The following RAB7A variants were observed in gnomAD, a reference collection of about 807,000 sequenced individuals.
RAB7A encodes ras-related protein Rab-7a.
RAB7A carries 2 observed loss-of-function variants against 24.5 expected under a neutral mutation model. That is an observed-to-expected ratio of 0.08 (90% CI 0.03 to 0.26). The LOEUF (loss-of-function observed/expected upper bound fraction) is 0.26, where lower values mean the gene tolerates loss of function less well. Among genes scored for constraint, RAB7A ranks in the 10% least tolerant of loss-of-function variants. The probability of loss-of-function intolerance (pLI) is 1.00; values close to 1 mark genes in which losing one functional copy is unlikely to be tolerated. For missense variants in RAB7A, 118 were observed against 255.7 expected (o/e 0.46, Z 3.67); for synonymous variants, 100 against 95.9 (o/e 1.04, Z -0.25).
At chr3:128,775,068 C>T (rs1407854663) in intron 1 of RAB7A, among the ~76,000 whole-genome samples, 1 of 152,226 alleles carries the variant, frequency 6.6e-6, no homozygotes, top group Non-Finnish European at 1.5e-5. Flanking sequence ...AGGCGTGAGC[C>T]ACTGCGCCCG....
At chr3:128,753,321 T>A (rs777782094) in intron 1 of RAB7A, among the ~76,000 whole-genome samples, 28 of 150,758 alleles carry the variant, frequency 1.9e-4, no homozygotes, top group Non-Finnish European at 3.2e-4. Flanking sequence ...GTAGATTTTA[T>A]GAAAATAGAG....
chr3:128,763,221 T>A (rs1275687331), intron 1 of RAB7A, among the ~76,000 whole-genome samples: 3,545 of 131,928 alleles, frequency 0.027, 126 homozygotes, highest in South Asian at 0.11. Context: ...TTTTTTTTTT[T>A]TTTTTTTTTT....
In RAB7A at chr3:128,791,697, G is replaced by T. The variant is rs111635216; in HGVS notation, c.-8-3663G>T. Among the ~76,000 whole-genome samples the T allele has an allele frequency of 3.2e-3, 486 of 152,246 alleles. 1 individual carries two copies. The highest frequency in any genetic ancestry group is 4.7e-3 in the Non-Finnish European group (319 of 68,016). ...TGGGCCACCCAGGCTTTTGTTTCAT[G>T]GAACACAGTGACTCTGCTGGGCATG... On this transcript the variant is annotated intron_variant, in intron 1 of 5. Transcript: ENST00000265062.
intron 1 of RAB7A, among the ~76,000 whole-genome samples, chr3:128,752,439 TAAAA>T (rs919078509): frequency 7.5e-5 from 11 of 147,594 alleles, no homozygotes; most frequent in African/African-American, 1.3e-4. Flanking sequence ...AAAAAGGAAA[TAAAA>T]AAATGACAAA....
In RAB7A at chr3:128,800,446, C is replaced by T. The variant is rs962077734; in HGVS notation, c.180+2377C>T. ...CTGGGTCGGGGGTTGTCATAACAGT[C>T]CCGTCTGTACTACTAAGCTGGGACC... On this transcript the variant is annotated intron_variant, in intron 3 of 5. Transcript: ENST00000265062. Among the ~76,000 whole-genome samples the T allele has an allele frequency of 2.0e-5, 3 of 152,262 alleles. No homozygotes were observed. The East Asian group carries it at 5.8e-4, about 29-fold the overall frequency.
intron 1 of RAB7A, among the ~76,000 whole-genome samples, chr3:128,765,750 A>G (rs1576284518): frequency 8.4e-6 from 1 of 119,200 alleles, no homozygotes; most frequent in Admixed American, 1.0e-4. Context: ...CAAAGGCTCT[A>G]CCTCTACTTT....
intron 1 of RAB7A, among the ~76,000 whole-genome samples, chr3:128,763,276 G>A (rs531154508): frequency 4.7e-4 from 67 of 143,658 alleles, no homozygotes; most frequent in Non-Finnish European, 9.1e-4. Context: ...GTGTAGTGGC[G>A]CGATCTCAGC....
At chr3:128,799,967 A>G (rs929254058) in intron 3 of RAB7A, among the ~76,000 whole-genome samples, 1 of 152,260 alleles carries the variant, frequency 6.6e-6, no homozygotes, top group Non-Finnish European at 1.5e-5. Context: ...AAAAAGAAAT[A>G]GAAACCATAA....
At chr3:128,727,311 C>T (rs1053180636) in intron 1 of RAB7A, among the ~76,000 whole-genome samples, 1 of 152,188 alleles carries the variant, frequency 6.6e-6, no homozygotes, top group African/African-American at 2.4e-5. Context: ...AGTTACGAAG[C>T]AGAGATGCAA....
chr3:128,792,782 G>A (rs1156729034), intron 1 of RAB7A, among the ~76,000 whole-genome samples: 1 of 151,608 alleles, frequency 6.6e-6, no homozygotes, highest in Non-Finnish European at 1.5e-5. Flanking sequence ...TCAGTCTCCC[G>A]AATAGCTGGA....
At chr3:128,789,580 G>T (rs1455137823) in intron 1 of RAB7A, among the ~76,000 whole-genome samples, 1 of 151,988 alleles carries the variant, frequency 6.6e-6, no homozygotes, top group East Asian at 1.9e-4. Flanking sequence ...TGATCTGCCC[G>T]CCTCAGCCTC....
In RAB7A at chr3:128,814,623, C is replaced by T. The variant is rs553813614; in HGVS notation, c.*1201C>T. On this transcript the variant is annotated 3_prime_UTR_variant, in exon 6 of 6. Transcript: ENST00000265062. ...AATATTGCCCATTATTAATTAACCT[C>T]TTTCTTTGGTTGGAACCCTGGCAGT... The T allele has an allele frequency of 3.9e-5, 6 of 152,614 alleles. No individual in the cohort carries two copies. Among genetic ancestry groups the T allele is most frequent in the South Asian group, 2.1e-4 (1 of 4,832 alleles). 9.5% of individuals were successfully genotyped at this position (152,614 alleles called of 1,614,324 possible).
intron 1 of RAB7A, among the ~76,000 whole-genome samples, chr3:128,757,129 G>C (rs564816250): frequency 2.0e-5 from 3 of 152,232 alleles, no homozygotes; most frequent in African/African-American, 7.2e-5. Context: ...GCAGGTGTGA[G>C]CCACCACACC....
chr3:128,751,376 C>G (rs1423914927), intron 1 of RAB7A, among the ~76,000 whole-genome samples: 1 of 152,136 alleles, frequency 6.6e-6, no homozygotes, highest in African/African-American at 2.4e-5. Flanking sequence ...GTGGAGCTGC[C>G]CAAGACCATG....
intron 1 of RAB7A, among the ~76,000 whole-genome samples, chr3:128,731,998 CA>C (rs1004347599): frequency 2.1e-5 from 3 of 141,376 alleles, no homozygotes; most frequent in African/African-American, 7.8e-5. Context: ...AGCAAGATTC[CA>C]TCTCAAAAAA....
chr3:128,791,574 G>C (rs943915356), intron 1 of RAB7A, among the ~76,000 whole-genome samples: 4 of 152,164 alleles, frequency 2.6e-5, no homozygotes, highest in Admixed American at 2.0e-4. Context: ...AGCTAGATAA[G>C]GCAGAACATA....
At chr3:128,754,394 C>T (rs185314878) in intron 1 of RAB7A, among the ~76,000 whole-genome samples, 1 of 151,534 alleles carries the variant, frequency 6.6e-6, no homozygotes, top group African/African-American at 2.4e-5. Context: ...CCCATGGTAA[C>T]CAAAAAGAAA....
chr3:128,769,128 A>G (rs537008950), intron 1 of RAB7A, among the ~76,000 whole-genome samples: 6 of 151,622 alleles, frequency 4.0e-5, no homozygotes, highest in Non-Finnish European at 7.4e-5. Context: ...TCCTGGGCTC[A>G]AGTGATTTGC....
chr3:128,813,602 C>T lies in RAB7A; in HGVS notation c.*180C>T, dbSNP rs1346453147. 7 of 582,450 alleles carry T rather than the reference C, an allele frequency of 1.2e-5. No individual in the cohort carries two copies. The highest frequency in any genetic ancestry group is 4.7e-5 in the Admixed American group (2 of 42,874). 36.1% of individuals were successfully genotyped at this position (582,450 alleles called of 1,614,324 possible). A position where few individuals can be genotyped will look rare whatever the true frequency, so the allele number is the denominator to read the frequency against. ...CATATCTCTCACACACACACACACA[C>T]GCACACACACACACACAGATCTGAC... On this transcript the variant is annotated 3_prime_UTR_variant, in exon 6 of 6. Transcript: ENST00000265062.
Sources: gnomAD v4.1 joint callset for allele counts (sites outside exome capture counted in the v4.1 genomes callset) on GRCh38, gnomAD v4.1.1 for gene constraint, MANE v1.5 for transcripts, NCBI Gene and HGNC (gene_info 2026-07-23, HGNC 2026-07-21) for gene names.